PUDP: variants seen among roughly 807,000 people sequenced by gnomAD.
PUDP encodes the protein pseudouridine-5'-phosphatase.
PUDP carries 8 observed loss-of-function variants against 9.4 expected under a neutral mutation model. The ratio of observed to expected loss-of-function variants is 0.85; its 90% CI spans 0.50 to 1.53. The LOEUF is 1.53. PUDP is among the 40% of genes most tolerant of loss of function. The probability of loss-of-function intolerance (pLI) is 0.00; values close to 1 mark genes in which losing one functional copy is unlikely to be tolerated. For synonymous variants in PUDP, 99 were observed against 80.7 expected (o/e 1.23, Z -1.22); for missense variants, 188 against 189.7 (o/e 0.99, Z 0.05).
chrX:6,944,635 G>A (rs181374786), intron 3 of PUDP, among the ~76,000 whole-genome samples: 166 of 110,748 alleles, frequency 1.5e-3, no homozygotes, highest in Middle Eastern at 4.6e-3. Context: ...AATAGCCAAG[G>A]AAGCTCATAG....
At chrX:7,115,541 A>G (rs1932170092) in intron 1 of PUDP, among the ~76,000 whole-genome samples, 1 of 112,761 alleles carries the variant, frequency 8.9e-6, no homozygotes, top group South Asian at 3.6e-4. Flanking sequence ...TTTGAACTAC[A>G]TAAGCTAGGA....
At chrX:6,885,904 T>C (rs985432483) in intron 3 of PUDP, among the ~76,000 whole-genome samples, 5 of 112,749 alleles carry the variant, frequency 4.4e-5, no homozygotes, top group Admixed American at 1.9e-4. Flanking sequence ...AAGTTTGCTA[T>C]CAAGTTGCTT....
intron 3 of PUDP, among the ~76,000 whole-genome samples, chrX:6,813,721 A>T (rs1926182228): frequency 9.0e-6 from 1 of 111,412 alleles, no homozygotes; most frequent in Non-Finnish European, 1.9e-5. Flanking sequence ...TAGGTCACAG[A>T]TCAGATGATG....
intron 2 of PUDP, among the ~76,000 whole-genome samples, chrX:7,102,329 A>C (rs1476022823): frequency 1.7e-4 from 19 of 109,921 alleles, no homozygotes; most frequent in South Asian, 1.1e-3. Context: ...AAAAAAAAAA[A>C]AAAAACAAAA....
intron 1 of PUDP, among the ~76,000 whole-genome samples, chrX:7,035,988 G>T (rs1447926395): frequency 2.7e-5 from 3 of 111,553 alleles, no homozygotes; most frequent in Non-Finnish European, 5.6e-5. Context: ...CACCTCCCCG[G>T]TTTCTCTCTT....
intron 1 of PUDP, among the ~76,000 whole-genome samples, chrX:7,113,883 G>A (rs906297816): frequency 1.8e-5 from 2 of 111,213 alleles, no homozygotes; most frequent in Non-Finnish European, 3.8e-5. Context: ...TGCCTAAAAC[G>A]TGGTAATGTA....
intron 3 of PUDP, among the ~76,000 whole-genome samples, chrX:6,789,770 T>A (rs1925708268): frequency 1.2e-5 from 1 of 85,478 alleles, no homozygotes; most frequent in Admixed American, 1.4e-4. Context: ...GATAGATAGG[T>A]AGGTAGATAG....
intron 3 of PUDP, among the ~76,000 whole-genome samples, chrX:6,766,339 CCTT>C (rs761746567): frequency 8.9e-6 from 1 of 111,770 alleles, no homozygotes; most frequent in South Asian, 3.7e-4. Flanking sequence ...AATATGCTCT[CCTT>C]CTTATCTGGG....
intron 2 of PUDP, among the ~76,000 whole-genome samples, chrX:7,098,968 G>A (rs1931653188): frequency 1.0e-5 from 1 of 97,450 alleles, no homozygotes; most frequent in Admixed American, 1.1e-4. Context: ...CCAGGCTGAG[G>A]AGCACATCTG....
intron 3 of PUDP, among the ~76,000 whole-genome samples, chrX:7,052,445 G>A (rs763556528): frequency 1.8e-5 from 2 of 112,012 alleles, no homozygotes; most frequent in East Asian, 5.6e-4. Flanking sequence ...CTGATGCCAG[G>A]TCTGAAAGAG....
intron 1 of PUDP, among the ~76,000 whole-genome samples, chrX:7,114,913 T>C (rs1932154819): frequency 8.9e-6 from 1 of 112,545 alleles, no homozygotes; most frequent in South Asian, 3.7e-4. Flanking sequence ...GTTACATTTA[T>C]TTTCCTATTT....
At chrX:6,718,643 G>T (rs1924627421) in intron 1 of PUDP, among the ~76,000 whole-genome samples, 1 of 110,763 alleles carries the variant, frequency 9.0e-6, no homozygotes, top group Non-Finnish European at 1.9e-5. Context: ...TTACTTAATG[G>T]GTACAATGTA....
At chrX:6,746,570 C>A (rs185635286) in intron 3 of PUDP, among the ~76,000 whole-genome samples, 140 of 110,381 alleles carry the variant, frequency 1.3e-3, no homozygotes, top group Admixed American at 3.0e-3. Flanking sequence ...TCTCCCCCCA[C>A]CCCATCCCCC....
chrX:6,823,490 C>T (rs763864397), intron 3 of PUDP, among the ~76,000 whole-genome samples: 1 of 112,210 alleles, frequency 8.9e-6, no homozygotes, highest in African/African-American at 3.2e-5. Flanking sequence ...GCTTCACCTA[C>T]ACAACAAAGT....
chrX:6,959,962 C>T lies in PUDP; in HGVS notation c.*247+17171G>A, dbSNP rs981427854. ...TTCTTCCTTTTGAGAGAATGTGTCT[C>T]CTATGCCTGTCCCACCATTGTATTT... is the stretch of plus-strand genomic sequence containing the variant. On this transcript the variant is annotated intron_variant and NMD_transcript_variant, in intron 3 of 3. Transcript: ENST00000655425. 2.7e-5 allele frequency among the ~76,000 whole-genome samples: 3 copies of T among 112,585 alleles called. No individual in the cohort carries two copies. In the Admixed American group the frequency reaches 2.8e-4, roughly 11 times the overall value.
intron 1 of PUDP, among the ~76,000 whole-genome samples, chrX:7,033,436 T>C (rs4011482): frequency 8.9e-6 from 1 of 112,611 alleles, no homozygotes; most frequent in African/African-American, 3.2e-5. Context: ...AAAATAAATA[T>C]CTTCTCAACC....
intron 1 of PUDP, among the ~76,000 whole-genome samples, chrX:7,017,261 C>T (rs182431928): frequency 1.1e-4 from 12 of 111,841 alleles, no homozygotes; most frequent in Non-Finnish European, 1.9e-5. Context: ...CCTCAAAGGC[C>T]CTTCTATTCA....
chrX:6,714,543 A>C (rs1219519992), intron 1 of PUDP, among the ~76,000 whole-genome samples: 1 of 106,592 alleles, frequency 9.4e-6, no homozygotes, highest in Non-Finnish European at 2.0e-5. Context: ...GATAGATGAT[A>C]TATAGATATG....
intron 3 of PUDP, among the ~76,000 whole-genome samples, chrX:6,939,357 T>C (rs1928363627): frequency 2.8e-5 from 3 of 106,686 alleles, no homozygotes; most frequent in African/African-American, 6.7e-5. Flanking sequence ...AAATATAATA[T>C]TTAATGCTAT....
Sources: gnomAD v4.1 joint callset for allele counts (sites outside exome capture counted in the v4.1 genomes callset) on GRCh38, gnomAD v4.1.1 for gene constraint, MANE v1.5 for transcripts, NCBI Gene and HGNC (gene_info 2026-07-23, HGNC 2026-07-21) for gene names.